The following PSEN2 variants were observed in gnomAD, a reference collection of about 807,000 sequenced individuals.
The protein encoded by PSEN2 is presenilin-2.
In PSEN2, 32 loss-of-function variants were observed where a neutral mutation model predicts 49.1. The observed-to-expected ratio is 0.65, with a 90% CI of 0.49 to 0.88. The LOEUF is 0.88. PSEN2 is among the 40% of genes least tolerant of loss of function. The pLI is 0.00. For missense variants in PSEN2, 522 were observed against 586.9 expected (o/e 0.89, Z 1.14); for synonymous variants, 255 against 244.0 (o/e 1.05, Z -0.42).
chr1:226,890,296 T>A (rs1661659141), intron 9 of PSEN2, among the ~76,000 whole-genome samples, 163 bp downstream of exon 9: 1 of 152,170 alleles, frequency 6.6e-6, no homozygotes, highest in Non-Finnish European at 1.5e-5. Context: ...TATTACACAG[T>A]AAGAAGCTTA....
chr1:226,890,259 C>A (rs1661657568), intron 9 of PSEN2, 126 bp downstream of exon 9: 1 of 799,784 alleles, frequency 1.3e-6, no homozygotes, highest in Non-Finnish European at 2.2e-6. Context: ...TCTCCACTTT[C>A]AGAAGCCAGG....
downstream of PSEN2, among the ~76,000 whole-genome samples, chr1:226,900,204 G>A (rs1490424241): frequency 6.6e-6 from 1 of 152,184 alleles, no homozygotes; most frequent in African/African-American, 2.4e-5. Flanking sequence ...CCATCCTGGG[G>A]TTAAAATGAG....
chr1:226,886,048 T>G (rs1217582957), intron 6 of PSEN2, among the ~76,000 whole-genome samples: 6 of 145,384 alleles, frequency 4.1e-5, no homozygotes, highest in South Asian at 2.2e-4. Context: ...AAATTTTTTT[T>G]TGTGCAGGCT....
chr1:226,881,986 A>G lies in PSEN2; in HGVS notation c.79A>G (p.Thr27Ala), dbSNP rs147326133. The G allele has an allele frequency of 6.2e-6, 10 of 1,613,910 alleles. No homozygotes were observed. Among genetic ancestry groups the G allele is most frequent in the Non-Finnish European group, 7.6e-6 (9 of 1,179,986 alleles). ...GTCCCTAATGTCGGCTGAGAGCCCC[A>G]CGCCGCGCTCCTGCCAGGAGGGCAG... ...RTSLMSAESP[T>A]PRSCQEGRQG... Residue 27 changes from threonine to alanine, a missense_variant, in exon 4 of 13, where the codon ACG (threonine) becomes GCG (alanine). By Grantham distance (58) the Thr-to-Ala change is moderately conservative. Transcript: ENST00000366783.
At position 226,885,601 on chromosome 1, in the gene PSEN2, G is replaced by A; in HGVS notation, c.420G>A (p.Leu140=). Residue 140 remains leucine, a synonymous_variant, in exon 6 of 13, where the codon CTG becomes CTA. Coordinates refer to ENST00000366783, the MANE Select transcript of PSEN2 (RefSeq NM_000447.3). ...SVGQRLLNSV[L]NTLIMISVIV... is the part of the protein sequence containing the mutation. ...GCCAGCGCCTCCTCAACTCCGTGCT[G>A]AACACCCTCATCATGATCAGCGTCA... The A allele has an allele frequency of 8.1e-6, 13 of 1,613,780 alleles. No homozygotes were observed. Among genetic ancestry groups the A allele is most frequent in the Non-Finnish European group, 1.1e-5 (13 of 1,179,994 alleles).
At chr1:226,875,765 G>A (rs573201931) in intron 3 of PSEN2, among the ~76,000 whole-genome samples, 1 of 152,292 alleles carries the variant, frequency 6.6e-6, no homozygotes, top group Non-Finnish European at 1.5e-5. Flanking sequence ...CATAATGATT[G>A]CAGGAACTGC....
intron 3 of PSEN2, among the ~76,000 whole-genome samples, chr1:226,880,993 C>A (rs1660951836): frequency 6.6e-6 from 1 of 152,226 alleles, no homozygotes; most frequent in African/African-American, 2.4e-5. Flanking sequence ...CCGAGACTCT[C>A]TTCTCCGGTC....
At chr1:226,880,709 G>A in intron 3 of PSEN2, 1 of 1,612,906 alleles carries the variant, frequency 6.2e-7, no homozygotes, top group South Asian at 1.1e-5. Context: ...CCAGAAACCT[G>A]CATGTGTAGA....
chr1:226,883,035 A>G (rs540877930), intron 4 of PSEN2, among the ~76,000 whole-genome samples: 33 of 152,332 alleles, frequency 2.2e-4, no homozygotes, highest in African/African-American at 7.7e-4. Flanking sequence ...CCACAGTTCC[A>G]AAACACAAAT....
intron 8 of PSEN2, among the ~76,000 whole-genome samples, chr1:226,889,275 C>T (rs957371934): frequency 1.3e-5 from 2 of 151,758 alleles, no homozygotes; most frequent in African/African-American, 2.4e-5. Flanking sequence ...CTGAGCTCCT[C>T]ATTTACTTTT....
At chr1:226,882,460 C>T (rs551015756) in intron 4 of PSEN2, among the ~76,000 whole-genome samples, 4 of 152,270 alleles carry the variant, frequency 2.6e-5, no homozygotes, top group Admixed American at 6.5e-5. Flanking sequence ...GCCTGATACA[C>T]GATTGACTTT....
chr1:226,896,696 A>G (rs1394037017), downstream of PSEN2, among the ~76,000 whole-genome samples: 1 of 151,910 alleles, frequency 6.6e-6, no homozygotes, highest in Non-Finnish European at 1.5e-5. Context: ...ACTTTGTACA[A>G]AAAAAAATTT....
chr1:226,890,158 C>A lies in PSEN2; in HGVS notation c.886+25C>A, dbSNP rs765795079. On this transcript the variant is annotated intron_variant, in intron 9 of 12. Coordinates refer to ENST00000366783, the MANE Select transcript of PSEN2 (RefSeq NM_000447.3). ...TGTGAGTGAGCCCCCCGTGCCTCTG[C>A]CTGACTCGGGGTCAGCAGGCAGCCT... The A allele has an allele frequency of 3.8e-6, 6 of 1,580,444 alleles. No homozygotes were observed. The African/African-American group carries it at 8.1e-5, about 21-fold the overall frequency.
intron 7 of PSEN2, among the ~76,000 whole-genome samples, 155 bp from the exon 8 acceptor site, chr1:226,888,674 T>A (rs995760213): frequency 6.6e-6 from 1 of 152,198 alleles, no homozygotes; most frequent in African/African-American, 2.4e-5. Context: ...CCACCTTGTT[T>A]TAGAAAATGC....
intron 5 of PSEN2, among the ~76,000 whole-genome samples, chr1:226,885,213 C>A (rs1040949140): frequency 2.0e-5 from 3 of 151,694 alleles, no homozygotes; most frequent in South Asian, 2.1e-4. Flanking sequence ...GGAATGAGAA[C>A]TGGATGGGTG....
chr1:226,871,434 C>T (rs1271633230), intron 2 of PSEN2, 30 bp downstream of exon 2: 1 of 152,226 alleles, frequency 6.6e-6, no homozygotes, highest in Non-Finnish European at 1.5e-5. Flanking sequence ...GGCTTCGACC[C>T]CAGTGTCCTG....
At chr1:226,875,267 G>C (rs1408957809) in intron 2 of PSEN2, 98 bp from the exon 3 acceptor site, 1 of 152,490 alleles carries the variant, frequency 6.6e-6, no homozygotes, top group Non-Finnish European at 1.5e-5. Flanking sequence ...CAAATACATA[G>C]TCGGGTACCC....
At chr1:226,874,603 C>T (rs1660512002) in intron 2 of PSEN2, among the ~76,000 whole-genome samples, 2 of 152,338 alleles carry the variant, frequency 1.3e-5, no homozygotes, top group African/African-American at 2.4e-5. Flanking sequence ...TTCCAAGAGG[C>T]ACATCCATAG....
At chr1:226,893,576 T>G (rs75702362) in intron 11 of PSEN2, among the ~76,000 whole-genome samples, 2,787 of 152,272 alleles carry the variant, frequency 0.018, 65 homozygotes, top group African/African-American at 0.054. Context: ...AGGTGAAAGG[T>G]TCTTCAGAGG....
Sources: allele counts gnomAD v4.1 joint callset (sites outside exome capture counted in the v4.1 genomes callset), GRCh38; gene constraint gnomAD v4.1.1; transcripts MANE v1.5; gene names NCBI Gene and HGNC (gene_info 2026-07-23, HGNC 2026-07-21).